CD163L1: variants seen among roughly 807,000 people sequenced by gnomAD.
The protein encoded by CD163L1 is scavenger receptor cysteine-rich type 1 protein M160.
CD163L1 carries 124 observed loss-of-function variants against 165.4 expected under a neutral mutation model. The observed-to-expected ratio is 0.75, with a 90% CI of 0.65 to 0.87. The LOEUF (loss-of-function observed/expected upper bound fraction) is 0.87, where lower values mean the gene tolerates loss of function less well. Ranked by LOEUF, CD163L1 falls within the 40% of genes least tolerant of loss-of-function variation. The pLI, the probability that CD163L1 is intolerant of heterozygous loss-of-function variation, is 0.00. For missense variants in CD163L1, 1,525 were observed against 1,799.9 expected (o/e 0.85, Z 2.76); for synonymous variants, 585 against 662.2 (o/e 0.88, Z 1.79).
chr12:7,434,837 C>CA (rs1401281250), intron 2 of CD163L1, among the ~76,000 whole-genome samples: 2 of 152,090 alleles, frequency 1.3e-5, no homozygotes, highest in Admixed American at 6.6e-5. Context: ...TAACAATATT[C>CA]TTTCTGAAAG....
At chr12:7,328,271 T>G in the CD163L1 span, 1 of 1,562,592 alleles carries the variant, frequency 6.4e-7, no homozygotes, top group Non-Finnish European at 8.7e-7. Flanking sequence ...TCATCACGTT[T>G]TTTTCTGTCA....
At chr12:7,342,803 G>T (rs1012749295), downstream of CD163L1, among the ~76,000 whole-genome samples, 2 of 152,182 alleles carry the variant, frequency 1.3e-5, no homozygotes. Flanking sequence ...GCATGGGGAA[G>T]AAATTGCTAC....
At chr12:7,424,239 T>C (rs1034844171) in intron 4 of CD163L1, among the ~76,000 whole-genome samples, 19 of 151,600 alleles carry the variant, frequency 1.3e-4, no homozygotes, top group Non-Finnish European at 7.4e-5. Flanking sequence ...CATTAGTATC[T>C]CAATAGATGC....
chr12:7,323,172 C>T, the CD163L1 span: 1 of 1,428,410 alleles, frequency 7.0e-7, no homozygotes, highest in East Asian at 2.5e-5. Flanking sequence ...ATTTTCATTG[C>T]CATGATATAG....
rs750307251 is a variant in CD163L1 at position 7,367,204 on chromosome 12, C to T, written c.4279+32G>A. 2.0e-5 allele frequency: 27 copies of T among 1,378,586 alleles called. No homozygotes were observed. In the East Asian group the frequency reaches 5.8e-4, roughly 30 times the overall value. 85.4% of individuals were successfully genotyped at this position (1,378,586 alleles called of 1,614,324 possible). ...GTATTTCCTCATATTCCCACCCTCT[C>T]CATGGAGTGCGGCCCCTGGAGTTGC... On this transcript the variant is annotated intron_variant, in intron 18 of 19. Coordinates refer to ENST00000313599, the MANE Select transcript of CD163L1 (RefSeq NM_174941.6).
intron 8 of CD163L1, among the ~76,000 whole-genome samples, chr12:7,379,673 G>A (rs1947344343): frequency 6.6e-6 from 1 of 152,136 alleles, no homozygotes; most frequent in South Asian, 2.1e-4. Flanking sequence ...AGATACTAAA[G>A]AGAATGTTAG....
chr12:7,335,849 A>G, the CD163L1 span, among the ~76,000 whole-genome samples: 1 of 152,218 alleles, frequency 6.6e-6, no homozygotes. Context: ...TGGGCAAAGG[A>G]TATGAACAGA....
At chr12:7,366,121 T>A (rs1445281237) in intron 18 of CD163L1, among the ~76,000 whole-genome samples, 2 of 152,074 alleles carry the variant, frequency 1.3e-5, no homozygotes, top group African/African-American at 4.8e-5. Context: ...CTAGAGGTCA[T>A]TATGTTAAGT....
chr12:7,342,632 G>T (rs945402814), downstream of CD163L1, among the ~76,000 whole-genome samples: 6 of 152,076 alleles, frequency 3.9e-5, no homozygotes, highest in Admixed American at 1.3e-4. Context: ...TATACAGGTT[G>T]CATTTTCCTC....
chr12:7,421,762 TATA>T (rs758022760), intron 4 of CD163L1, among the ~76,000 whole-genome samples: 17,218 of 142,690 alleles, frequency 0.12, 1,341 homozygotes, highest in Admixed American at 0.25. Flanking sequence ...TATATATATA[TATA>T]TATATTTTTT....
chr12:7,384,203 T>C (rs1947468797), intron 8 of CD163L1, among the ~76,000 whole-genome samples: 1 of 151,688 alleles, frequency 6.6e-6, no homozygotes, highest in Admixed American at 6.6e-5. Context: ...AAGAAAGAAC[T>C]GCAGAACTTG....
the CD163L1 span, chr12:7,328,517 A>C: frequency 1.8e-6 from 1 of 552,778 alleles, no homozygotes; most frequent in Middle Eastern, 4.3e-4. Flanking sequence ...GTTTTTACTT[A>C]GCTAAAAAGT....
chr12:7,430,962 C>CA lies in CD163L1; in HGVS notation c.766+1453dup, dbSNP rs1185196611. ...ACTATAAAGTCAACTAAACGTGCTG[C>CA]AAAAAACATCACTTCAGCTGCACTG... is the stretch of plus-strand genomic sequence containing the variant. On this transcript the variant is annotated intron_variant, in intron 4 of 19. Coordinates refer to ENST00000313599, the MANE Select transcript of CD163L1 (RefSeq NM_174941.6). 4.6e-5 allele frequency among the ~76,000 whole-genome samples: 7 copies of CA among 152,044 alleles called. 1 individual carries two copies. Among genetic ancestry groups the CA allele is most frequent in the African/African-American group, 1.2e-4 (5 of 41,470 alleles).
the CD163L1 span, among the ~76,000 whole-genome samples, chr12:7,325,291 T>G: frequency 2.0e-5 from 3 of 152,198 alleles, no homozygotes; most frequent in African/African-American, 7.2e-5. Flanking sequence ...AAGCCACAGA[T>G]TTCACTGAAT....
intron 4 of CD163L1, among the ~76,000 whole-genome samples, chr12:7,422,719 A>G (rs1003751333): frequency 1.4e-4 from 20 of 145,964 alleles, no homozygotes; most frequent in Non-Finnish European, 2.4e-4. Context: ...ATGTGTATAT[A>G]TGTATATGAA....
chr12:7,336,208 C>A, the CD163L1 span, among the ~76,000 whole-genome samples: 1 of 123,512 alleles, frequency 8.1e-6, no homozygotes, highest in African/African-American at 2.9e-5. Flanking sequence ...CACATGCACA[C>A]GTATGTTTAT....
chr12:7,357,459 T>C lies in CD163L1; in HGVS notation c.4307A>G (p.Asp1436Gly). The change falls in exon 19 of 20, where the codon GAT becomes GGT. Residue 1436 changes from aspartate (D) to glycine (G), a missense_variant. Transcript: ENST00000313599. ...SDDTPNHGCE[D>G]ASDTSLLGVL... ...TCCCAACAGCGATGTGTCGCTAGCA[T>C]CTTCACAACCATGGTTGGGGGTGTC... is the stretch of plus-strand genomic sequence containing the variant. 1.2e-6 allele frequency: 2 copies of C among 1,612,700 alleles called. No homozygotes were observed. Among genetic ancestry groups the C allele is most frequent in the Non-Finnish European group, 1.7e-6 (2 of 1,179,096 alleles).
chr12:7,439,963 C>T (rs935020268), intron 2 of CD163L1: 2 of 1,569,244 alleles, frequency 1.3e-6, no homozygotes, highest in East Asian at 2.3e-5. Context: ...TGCGGTCACA[C>T]TCGCTCCCTC....
At chr12:7,410,880 T>A (rs911327213) in intron 4 of CD163L1, among the ~76,000 whole-genome samples, 1 of 148,674 alleles carries the variant, frequency 6.7e-6, no homozygotes, top group Non-Finnish European at 1.5e-5. Flanking sequence ...TAATAAAAAA[T>A]AGTTAAGAAT....
Sources: gnomAD v4.1 joint callset for allele counts (sites outside exome capture counted in the v4.1 genomes callset) on GRCh38, gnomAD v4.1.1 for gene constraint, MANE v1.5 for transcripts, NCBI Gene and HGNC (gene_info 2026-07-23, HGNC 2026-07-21) for gene names.